The following CDK5RAP2 variants were observed in gnomAD, a reference collection of about 807,000 sequenced individuals.
CDK5RAP2 encodes the protein CDK5 regulatory subunit-associated protein 2.
Under a neutral mutation model 232.9 loss-of-function variants are expected in CDK5RAP2, and 147 were observed. The ratio of observed to expected loss-of-function variants is 0.63; its 90% confidence interval spans 0.55 to 0.72. The LOEUF (loss-of-function observed/expected upper bound fraction) is 0.72. Ranked by LOEUF, CDK5RAP2 falls within the 30% of genes least tolerant of loss-of-function variation. The probability of loss-of-function intolerance (pLI) is 0.00; values close to 1 mark genes in which losing one functional copy is unlikely to be tolerated. For synonymous variants in CDK5RAP2, 833 were observed against 833.7 expected (o/e 1.00, Z 0.01); for missense variants, 2,195 against 2,231.5 (o/e 0.98, Z 0.33).
intron 12 of CDK5RAP2, among the ~76,000 whole-genome samples, chr9:120,498,397 C>G (rs1221188509): frequency 6.6e-6 from 1 of 152,186 alleles, no homozygotes; most frequent in Non-Finnish European, 1.5e-5. Flanking sequence ...ACTGACCAGT[C>G]CTCTTCAAAC....
intron 22 of CDK5RAP2, among the ~76,000 whole-genome samples, chr9:120,446,002 T>C (rs1444479424): frequency 6.6e-6 from 1 of 152,124 alleles, no homozygotes; most frequent in Admixed American, 6.5e-5. Context: ...GACAACTCCA[T>C]CCTTCCAAAG....
intron 3 of CDK5RAP2, among the ~76,000 whole-genome samples, chr9:120,561,195 G>A (rs192085538): frequency 6.6e-5 from 10 of 152,292 alleles, no homozygotes; most frequent in African/African-American, 1.4e-4. Flanking sequence ...AAGAGGGGAG[G>A]ATACTTTGGA....
intron 25 of CDK5RAP2, among the ~76,000 whole-genome samples, chr9:120,428,858 A>G (rs907789521): frequency 1.3e-5 from 2 of 152,230 alleles, no homozygotes; most frequent in African/African-American, 4.8e-5. Flanking sequence ...AAAATCCTCA[A>G]TAAAATACTG....
In CDK5RAP2 at chr9:120,567,607, G is replaced by A. The variant is rs146007162; in HGVS notation, c.195+714C>T. On this transcript the variant is annotated intron_variant, in intron 3 of 37. Coordinates refer to ENST00000349780, the MANE Select transcript of CDK5RAP2 (RefSeq NM_018249.6). ...TGTTACTTGACAACAAACCCCCTCT[G>A]CTAATAAATGAAAGACACAATGCTG... 5.0e-3 allele frequency among the ~76,000 whole-genome samples: 758 copies of A among 152,212 alleles called. 10 individuals carry two copies. Among genetic ancestry groups the A allele is most frequent in the African/African-American group, 0.017 (726 of 41,524 alleles).
chr9:120,461,681 A>T (rs2037096520), intron 18 of CDK5RAP2, among the ~76,000 whole-genome samples: 1 of 152,176 alleles, frequency 6.6e-6, no homozygotes, highest in Non-Finnish European at 1.5e-5. Flanking sequence ...GTCTCTACAA[A>T]AAACACAAAA....
intron 17 of CDK5RAP2, among the ~76,000 whole-genome samples, chr9:120,469,052 G>A (rs1032937077): frequency 6.6e-6 from 1 of 152,138 alleles, no homozygotes; most frequent in African/African-American, 2.4e-5. Context: ...AGCCCCAGTA[G>A]GCACTAGCAG....
At chr9:120,482,445 G>A (rs1588451480) in intron 14 of CDK5RAP2, among the ~76,000 whole-genome samples, 1 of 152,118 alleles carries the variant, frequency 6.6e-6, no homozygotes, top group African/African-American at 2.4e-5. Flanking sequence ...GTGGAACTGG[G>A]AAATCCCTCC....
chr9:120,467,201 C>T (rs78118393), intron 18 of CDK5RAP2, among the ~76,000 whole-genome samples: 2 of 152,192 alleles, frequency 1.3e-5, no homozygotes, highest in Non-Finnish European at 2.9e-5. Context: ...CCTCTTTTCC[C>T]AGGTGGGTTG....
intron 11 of CDK5RAP2, among the ~76,000 whole-genome samples, chr9:120,518,936 G>C (rs2040491077): frequency 6.6e-6 from 1 of 152,052 alleles, no homozygotes; most frequent in Non-Finnish European, 1.5e-5. Flanking sequence ...CAGCACTTTG[G>C]GAGGCTGAGG....
At chr9:120,474,990 A>C (rs1243505071) in intron 15 of CDK5RAP2, among the ~76,000 whole-genome samples, 1 of 152,236 alleles carries the variant, frequency 6.6e-6, no homozygotes, top group Admixed American at 6.5e-5. Context: ...ATTGAGACAT[A>C]TGTAAGCTTT....
At chr9:120,463,343 C>T (rs1454670372) in intron 18 of CDK5RAP2, among the ~76,000 whole-genome samples, 1 of 152,158 alleles carries the variant, frequency 6.6e-6, no homozygotes, top group Non-Finnish European at 1.5e-5. Context: ...TGCACTCCAG[C>T]CTGGGTGACA....
At chr9:120,412,222 A>G (rs977680778) in intron 28 of CDK5RAP2, among the ~76,000 whole-genome samples, 7 of 150,908 alleles carry the variant, frequency 4.6e-5, no homozygotes, top group African/African-American at 9.7e-5. Context: ...AGATACCTCT[A>G]TTTCACAGGT....
chr9:120,440,827 G>C (rs2035857497), intron 23 of CDK5RAP2, among the ~76,000 whole-genome samples: 1 of 152,184 alleles, frequency 6.6e-6, no homozygotes, highest in South Asian at 2.1e-4. Context: ...ACAGTAAAGA[G>C]TGGTAATTCT....
intron 34 of CDK5RAP2, 170 bp from the exon 35 acceptor site, chr9:120,401,055 G>T (rs1035531088): frequency 2.6e-5 from 17 of 654,734 alleles, no homozygotes; most frequent in African/African-American, 2.5e-4. Flanking sequence ...CTGGTGAATT[G>T]TAGATTATGA....
At chr9:120,458,369 T>C in intron 20 of CDK5RAP2, 81 bp downstream of exon 20, 1 of 1,346,402 alleles carries the variant, frequency 7.4e-7, no homozygotes. Context: ...CACAGCACGA[T>C]CATCTAAACC....
In CDK5RAP2 at chr9:120,447,887, G is replaced by T; in HGVS notation, c.3025+8C>A. On this transcript the variant is annotated splice_region_variant and intron_variant, in intron 22 of 37. Coordinates refer to ENST00000349780, the MANE Select transcript of CDK5RAP2 (RefSeq NM_018249.6). ...GCTCACAGGGAATACATTTTTCTTG[G>T]TGCTTACCATTCAGCAACGTTTTGT... is the stretch of plus-strand genomic sequence containing the variant. The T allele has an allele frequency of 6.2e-7, 1 of 1,602,664 alleles. No individual in the cohort carries two copies. The highest frequency in any genetic ancestry group is 1.1e-5 in the South Asian group (1 of 90,840).
intron 3 of CDK5RAP2, among the ~76,000 whole-genome samples, chr9:120,556,001 A>G (rs1393117395): frequency 1.3e-5 from 2 of 152,244 alleles, no homozygotes; most frequent in African/African-American, 4.8e-5. Context: ...AAGGACAGAG[A>G]ACAGGGCATT....
chr9:120,557,409 A>G (rs188411847), intron 3 of CDK5RAP2, among the ~76,000 whole-genome samples: 46 of 152,088 alleles, frequency 3.0e-4, no homozygotes, highest in Non-Finnish European at 4.6e-4. Flanking sequence ...CTGTAACCCA[A>G]CAGATGGTTA....
intron 3 of CDK5RAP2, among the ~76,000 whole-genome samples, chr9:120,551,130 G>T (rs2042027229): frequency 6.6e-6 from 1 of 152,046 alleles, no homozygotes; most frequent in South Asian, 2.1e-4. Context: ...TGACAGGAAT[G>T]AATAATGACT....
Sources: allele counts gnomAD v4.1 joint callset (sites outside exome capture counted in the v4.1 genomes callset), GRCh38; gene constraint gnomAD v4.1.1; transcripts MANE v1.5; gene names NCBI Gene and HGNC (gene_info 2026-07-23, HGNC 2026-07-21).